HUWE1: variants seen among roughly 807,000 people sequenced by gnomAD.
HUWE1 encodes HECT, UBA and WWE domain containing E3 ubiquitin protein ligase 1.
Under a neutral mutation model 299.4 loss-of-function variants are expected in HUWE1, and 18 were observed. The ratio of observed to expected loss-of-function variants is 0.06; its 90% CI spans 0.04 to 0.09. HUWE1 has a LOEUF of 0.09. HUWE1 is among the 10% of genes least tolerant of loss of function. The pLI is 1.00. For synonymous variants in HUWE1, 1,317 were observed against 1,286.1 expected, an observed-to-expected ratio of 1.02 and a Z score of -0.51; for missense variants, 1,832 against 3,462.3, an observed-to-expected ratio of 0.53 and a Z score of 11.82.
intron 3 of HUWE1, among the ~76,000 whole-genome samples, chrX:53,663,826 G>A (rs1186041476): frequency 9.3e-6 from 1 of 107,981 alleles, no homozygotes; most frequent in Non-Finnish European, 1.9e-5. Flanking sequence ...ATTGTACTCT[G>A]TACCTATCAC....
chrX:53,535,850 T>C (rs1270729503), intron 80 of HUWE1: 13 of 375,548 alleles, frequency 3.5e-5, no homozygotes, highest in Admixed American at 3.2e-4. Flanking sequence ...CTGCCTTCAT[T>C]TTCCCCCCAC....
At chrX:53,547,388 C>T (rs2061585427) in intron 68 of HUWE1, among the ~76,000 whole-genome samples, 1 of 111,608 alleles carries the variant, frequency 9.0e-6, no homozygotes, top group Admixed American at 9.5e-5. Context: ...TGGTGCCTAG[C>T]CTAGGGAAGC....
chrX:53,535,636 T>C (rs1240198583), intron 80 of HUWE1, 135 bp from the exon 81 acceptor site: 6 of 519,546 alleles, frequency 1.2e-5, no homozygotes, highest in South Asian at 2.5e-5. Flanking sequence ...ACAGTGACTT[T>C]TTCTACTACT....
chrX:53,550,676 T>G lies in HUWE1; in HGVS notation c.9478A>C (p.Ser3160Arg), dbSNP rs782377434. ...GGTFQMGGSS[S>R]HNRPSGSNVD... ...AATAGACAAAGGTACCTGTTATGGC[T>G]GCTGCTACCCCCCATCTGGAAGGTG... The change falls in exon 66 of 84, where the codon AGC becomes CGC. Residue 3160 changes from serine (S) to arginine (R), a missense_variant. Physicochemically the swap from Ser to Arg is moderately radical, Grantham distance 110. Around this residue, in one of 15 missense-constraint regions of HUWE1, gnomAD observed 91 missense variants for 281.2 expected, o/e 0.32. Coordinates refer to ENST00000262854, the MANE Select transcript of HUWE1 (RefSeq NM_031407.7). 4 of 1,209,844 alleles carry G rather than the reference T, an allele frequency of 3.3e-6. No individual in the cohort carries two copies. Among genetic ancestry groups the G allele is most frequent in the Non-Finnish European group, 4.5e-6 (4 of 893,880 alleles).
At position 53,686,608 on chromosome X, in the gene HUWE1, G is replaced by C. The variant is rs1477498746; in HGVS notation, c.-282C>G. The C allele has an allele frequency of 1.8e-5, 2 of 114,034 alleles. No homozygotes were observed. Among genetic ancestry groups the C allele is most frequent in the African/African-American group, 6.5e-5 (2 of 30,867 alleles). 9.4% of individuals were successfully genotyped at this position (114,034 alleles called of 1,213,427 possible). The stretch of plus-strand genomic sequence containing the variant: ...CTCACCTCGGCCGCAATGGCTCCGC[G>C]GGGCCCGCAGGAGCGTGCGGGGTCC... On this transcript the variant is annotated 5_prime_UTR_variant, in exon 1 of 84. Transcript: ENST00000262854.
At chrX:53,629,223 T>G (rs1275794870) in intron 13 of HUWE1, among the ~76,000 whole-genome samples, 2 of 111,389 alleles carry the variant, frequency 1.8e-5, no homozygotes, top group African/African-American at 6.5e-5. Flanking sequence ...ATCCAAAACT[T>G]TGGGAATACC....
rs185832603 is a variant in HUWE1 at position 53,539,247 on chromosome X, G to A, written c.11633-167C>T. 2.4e-3 allele frequency among the ~76,000 whole-genome samples: 257 copies of A among 105,044 alleles called. 1 individual carries two copies. The highest frequency in any genetic ancestry group is 7.9e-3 in the African/African-American group (227 of 28,827). The allele number at this position is 105,044 out of a possible 115,157, so 91.2% of individuals were successfully genotyped here. A position where few individuals can be genotyped will look rare whatever the true frequency, so the allele number is the denominator to read the frequency against. On this transcript the variant is annotated intron_variant, in intron 75 of 83. Transcript: ENST00000262854. ...TATGATCCCAGCACTTTGGGAGGCC[G>A]AGGTGGGAAAATTGCTTGAGCCCAG...
At chrX:53,542,718 T>C (rs2061393194) in intron 73 of HUWE1, 179 bp from the exon 74 acceptor site, 2 of 461,868 alleles carry the variant, frequency 4.3e-6, no homozygotes, top group Non-Finnish European at 7.7e-6. Context: ...TCTTCTGCTT[T>C]TCTCCACTGT....
At position 53,627,924 on chromosome X, in the gene HUWE1, C is replaced by T. The variant is rs371322936; in HGVS notation, c.1243-45G>A. The T allele has an allele frequency of 4.8e-5, 55 of 1,157,309 alleles. No homozygotes were observed. In the African/African-American group the frequency reaches 8.2e-4, roughly 17 times the overall value. ...GCAAAAACAATGAACTATAAAGACA[C>T]AAAGTTGTAAAAATTGCATGCTTTT... On this transcript the variant is annotated intron_variant, in intron 15 of 83. Transcript: ENST00000262854.
chrX:53,600,007 A>T (rs782765962), intron 29 of HUWE1, 111 bp downstream of exon 29: 7 of 705,148 alleles, frequency 9.9e-6, no homozygotes, highest in Admixed American at 4.6e-5. Flanking sequence ...AAAATGAGTC[A>T]CAGAAGTTTT....
At chrX:53,578,373 GC>G (rs1332331428) in intron 43 of HUWE1, among the ~76,000 whole-genome samples, 1 of 90,885 alleles carries the variant, frequency 1.1e-5, no homozygotes, top group Non-Finnish European at 2.2e-5. Flanking sequence ...TCAGCCCCCC[GC>G]CCGGCCAGCC....
Position 53,592,404 on chromosome X carries a change from C to G in HUWE1, c.3966G>C (p.Leu1322=). 1 of 1,201,585 alleles carries G rather than the reference C, an allele frequency of 8.3e-7. No homozygotes were observed. The highest frequency in any genetic ancestry group is 1.1e-6 in the Non-Finnish European group (1 of 887,075). The stretch of plus-strand genomic sequence containing the variant: ...TGTGAGGCCAGTACCCTACCTGTTG[C>G]AGTTGTTGCTGGTTGACTTGAGGTT... ...RREPQVNQQQ[L]QQLMDMGFTR... is the part of the protein sequence containing the mutation. Residue 1322 remains leucine, a synonymous_variant, in exon 33 of 84, where the codon CTG becomes CTC. Transcript: ENST00000262854.
At chrX:53,557,801 A>G (rs1381436045) in intron 59 of HUWE1, among the ~76,000 whole-genome samples, 10 of 111,847 alleles carry the variant, frequency 8.9e-5, no homozygotes, top group Non-Finnish European at 1.9e-4. Flanking sequence ...TTTCAGTCAC[A>G]GGCTAGGTTC....
intron 81 of HUWE1, among the ~76,000 whole-genome samples, chrX:53,535,147 C>A (rs886266367): frequency 1.4e-4 from 16 of 111,188 alleles, no homozygotes; most frequent in South Asian, 3.8e-4. Flanking sequence ...GTTGGCCAGG[C>A]TGGTCTCAAA....
intron 19 of HUWE1, among the ~76,000 whole-genome samples, chrX:53,624,237 G>A (rs2066335334): frequency 9.1e-6 from 1 of 110,333 alleles, no homozygotes; most frequent in Admixed American, 9.6e-5. Context: ...TACCCGCCTC[G>A]GCCTCCCAAA....
chrX:53,641,439 A>G (rs1423570278), intron 7 of HUWE1, among the ~76,000 whole-genome samples: 1 of 112,117 alleles, frequency 8.9e-6, no homozygotes, highest in Non-Finnish European at 1.9e-5. Context: ...AAAGGGAATT[A>G]TTTCACAAAA....
At position 53,535,165 on chromosome X, in the gene HUWE1, C is replaced by G. The variant is rs2060974769; in HGVS notation, c.12649+219G>C. On this transcript the variant is annotated intron_variant, in intron 81 of 83. Coordinates refer to ENST00000262854, the MANE Select transcript of HUWE1 (RefSeq NM_031407.7). ...GGCCAGGCTGGTCTCAAACTCCTCA[C>G]CTCAACTGATCCGCCCACCTTGGCC... is the stretch of plus-strand genomic sequence containing the variant. 9.9e-5 allele frequency among the ~76,000 whole-genome samples: 11 copies of G among 111,285 alleles called. No homozygotes were observed. The East Asian group carries it at 2.8e-3, about 29-fold the overall frequency.
chrX:53,666,377 GAAC>G (rs2069253531), intron 3 of HUWE1, among the ~76,000 whole-genome samples: 1 of 111,666 alleles, frequency 9.0e-6, no homozygotes, highest in Non-Finnish European at 1.9e-5. Flanking sequence ...GGTATAAATA[GAAC>G]AATAGCCCTG....
At position 53,559,538 on chromosome X, in the gene HUWE1, G is replaced by C. The variant is rs1569442662; in HGVS notation, c.7737-6C>G. ...CAGCTGAGGGACCAAGCAACCTGTA[G>C]GGTAATGGTGGGTACCATGATCACT... On this transcript the variant is annotated splice_polypyrimidine_tract_variant and splice_region_variant and intron_variant, in intron 56 of 83. Transcript: ENST00000262854. 1.7e-6 allele frequency: 2 copies of C among 1,201,594 alleles called. No homozygotes were observed. The highest frequency in any genetic ancestry group is 3.5e-5 in the African/African-American group (2 of 57,087).
Sources: gnomAD v4.1 joint callset for allele counts (sites outside exome capture counted in the v4.1 genomes callset) on GRCh38, gnomAD v4.1.1 for gene constraint, gnomAD v4.1.1 regional missense constraint, MANE v1.5 for transcripts, NCBI Gene and HGNC (gene_info 2026-07-23, HGNC 2026-07-21) for gene names.